ZC2HC1B: variants seen among roughly 807,000 people sequenced by gnomAD.
ZC2HC1B encodes zinc finger C2HC domain-containing protein 1B.
In ZC2HC1B, 36 loss-of-function variants were observed where a neutral mutation model predicts 31.0. The ratio of observed to expected loss-of-function variants is 1.16; its 90% CI spans 0.89 to 1.54. The LOEUF is 1.54. ZC2HC1B is among the 40% of genes most tolerant of loss of function. ZC2HC1B has a pLI of 0.00. For missense variants in ZC2HC1B, 260 were observed against 268.6 expected, an observed-to-expected ratio of 0.97 and a Z score of 0.22; for synonymous variants, 73 against 88.0, an observed-to-expected ratio of 0.83 and a Z score of 0.95.
Position 143,886,727 on chromosome 6 carries a change from C to A in ZC2HC1B, c.255C>A (p.Asp85Glu). 6.5e-7 allele frequency: 1 copy of A among 1,547,524 alleles called. No individual in the cohort carries two copies. The highest frequency in any genetic ancestry group is 8.7e-7 in the Non-Finnish European group (1 of 1,145,086). The part of the protein sequence containing the change: ...RKSNWRQQHE[D>E]FINAIRSAKQ... The stretch of plus-strand genomic sequence containing the variant: ...CTAACTGGAGACAACAACATGAAGA[C>A]TTTATTAATGCAATCCGATCAGCAA... The change falls in exon 4 of 8, where the codon GAC (aspartate) becomes GAA (glutamate). Residue 85 changes from aspartate (D) to glutamate (E), a missense_variant. Coordinates refer to ENST00000237275, the MANE Select transcript of ZC2HC1B (RefSeq NM_001013623.3). This position sits in a 1 kb window ranked among gnomAD's most constrained non-coding sequence, Gnocchi z 4.2.
intron 1 of ZC2HC1B, among the ~76,000 whole-genome samples, chr6:143,866,491 C>T (rs11155329): frequency 0.2 from 30,306 of 152,154 alleles, 3,209 homozygotes; most frequent in East Asian, 0.43. Context: ...GCTTTCTCAC[C>T]ATCATGGAAA....
rs1044477930 is a variant in ZC2HC1B, at chr6:143,868,518, T to C, written c.28+3951T>C. 6.6e-6 allele frequency among the ~76,000 whole-genome samples: 1 copy of C among 152,120 alleles called. No individual in the cohort carries two copies. The highest frequency in any genetic ancestry group is 2.4e-5 in the African/African-American group (1 of 41,412). Reference sequence around the variant, plus strand: ...CGATCTGCGCTGGCAGGTGACTAGGTGGTGCCCACCCAGATTAAGGATGAG... The same window carrying C: ...CGATCTGCGCTGGCAGGTGACTAGGCGGTGCCCACCCAGATTAAGGATGAG... On this transcript the variant is annotated intron_variant, in intron 1 of 7. Transcript: ENST00000237275. The surrounding 1 kb of genome is among the most constrained non-coding windows in gnomAD (Gnocchi z 4.2).
At position 143,870,835 on chromosome 6, in the gene ZC2HC1B, A is replaced by G. The variant is rs919313548; in HGVS notation, c.28+6268A>G. On this transcript the variant is annotated intron_variant, in intron 1 of 7. Transcript: ENST00000237275. The surrounding 1 kb of genome is among the most constrained non-coding windows in gnomAD (Gnocchi z 4.7). ...ATCTGCCACTGACACCTCAAGTACC[A>G]TTGGATCTGCTGGGTCATATGGCCC... Among the ~76,000 whole-genome samples the G allele has an allele frequency of 6.6e-6, 1 of 152,128 alleles. No individual in the cohort carries two copies. Among genetic ancestry groups the G allele is most frequent in the Middle Eastern group, 3.2e-3 (1 of 316 alleles).
At position 143,864,667 on chromosome 6, in the gene ZC2HC1B, A is replaced by C. The variant is rs1239880243; in HGVS notation, c.28+100A>C. 3.9e-6 allele frequency: 5 copies of C among 1,278,116 alleles called. No homozygotes were observed. The African/African-American group carries it at 4.4e-5, about 11-fold the overall frequency. The allele number at this position is 1,278,116 out of a possible 1,614,324, so 79.2% of individuals were successfully genotyped here. A position where few individuals can be genotyped will look rare whatever the true frequency, so the allele number is the denominator to read the frequency against. On this transcript the variant is annotated intron_variant, in intron 1 of 7. Coordinates refer to ENST00000237275, the MANE Select transcript of ZC2HC1B (RefSeq NM_001013623.3). Reference sequence around the variant, plus strand: ...CTGGTAGGTATTAGCTTGTTCTACCATGTGTGATCCGTTTAAATCTAAGTA... The same window carrying C: ...CTGGTAGGTATTAGCTTGTTCTACCCTGTGTGATCCGTTTAAATCTAAGTA...
In ZC2HC1B at chr6:143,887,365, T is replaced by C. The variant is rs899803936; in HGVS notation, c.349+544T>C. Among the ~76,000 whole-genome samples the C allele has an allele frequency of 6.6e-6, 1 of 152,220 alleles. No individual in the cohort carries two copies. The highest frequency in any genetic ancestry group is 1.9e-4 in the East Asian group (1 of 5,206). On this transcript the variant is annotated intron_variant, in intron 4 of 7. Coordinates refer to ENST00000237275, the MANE Select transcript of ZC2HC1B (RefSeq NM_001013623.3). This position sits in a 1 kb window ranked among gnomAD's most constrained non-coding sequence, Gnocchi z 5.1. ...GCCATAATTTCTCCTTTATCTTTTT[T>C]TCTTTGGCAGAACCATTTAAAAGTA...
intron 5 of ZC2HC1B, among the ~76,000 whole-genome samples, chr6:143,901,505 C>T (rs1226792483): frequency 6.6e-6 from 1 of 151,338 alleles, no homozygotes; most frequent in Non-Finnish European, 1.5e-5. Context: ...GGTGATCTGC[C>T]TGCCTTGGTC....
chr6:143,935,171 G>A (rs1489020275), intron 6 of ZC2HC1B, among the ~76,000 whole-genome samples: 4 of 151,796 alleles, frequency 2.6e-5, no homozygotes, highest in African/African-American at 7.3e-5. Flanking sequence ...CATGGATGAT[G>A]TATGCAGGTA....
rs1230303833 is a variant in ZC2HC1B, at chr6:143,923,589, T to C, written c.599-14060T>C. Among the ~76,000 whole-genome samples the C allele has an allele frequency of 1.3e-5, 2 of 152,120 alleles. No homozygotes were observed. The highest frequency in any genetic ancestry group is 1.9e-4 in the East Asian group (1 of 5,204). ...AGTAGTTTCATAGTTTTGGGTCTTA[T>C]GTTTAAGTCTTTCATCAATTTTGGG... is the stretch of plus-strand genomic sequence containing the variant. On this transcript the variant is annotated intron_variant, in intron 6 of 7. Transcript: ENST00000237275. The surrounding 1 kb of genome is among the most constrained non-coding windows in gnomAD (Gnocchi z 4.8).
intron 6 of ZC2HC1B, among the ~76,000 whole-genome samples, chr6:143,925,271 GT>G (rs1049929594): frequency 2.0e-5 from 3 of 148,190 alleles, no homozygotes; most frequent in African/African-American, 7.5e-5. Context: ...CGCCTCCCGG[GT>G]TCACGCCATT....
intron 6 of ZC2HC1B, among the ~76,000 whole-genome samples, chr6:143,931,114 G>A (rs1381868523): frequency 6.6e-6 from 1 of 152,102 alleles, no homozygotes; most frequent in African/African-American, 2.4e-5. Flanking sequence ...TTTGATATGA[G>A]AATAGCTACT....
At chr6:143,930,139 G>A (rs192064330) in intron 6 of ZC2HC1B, among the ~76,000 whole-genome samples, 4 of 151,530 alleles carry the variant, frequency 2.6e-5, no homozygotes, top group Admixed American at 2.6e-4. Flanking sequence ...CTAGCTTTGG[G>A]TTTGGTTTGT....
In ZC2HC1B at chr6:143,879,824, A is replaced by ATTTTTTT. The variant is rs557859315; in HGVS notation, c.29-4461_29-4455dup. ...TTTTTTCCTGCTCAAGTTGTCCCTG[A>ATTTTTTT]TTTTTTTTTTTTTTTTTTTTTTTTT... On this transcript the variant is annotated intron_variant, in intron 1 of 7. Transcript: ENST00000237275. 1.7e-3 allele frequency among the ~76,000 whole-genome samples: 92 copies of ATTTTTTT among 53,688 alleles called. 2 individuals are homozygous for ATTTTTTT. Among genetic ancestry groups the ATTTTTTT allele is most frequent in the Non-Finnish European group, 2.3e-3 (71 of 30,474 alleles). 35.2% of individuals were successfully genotyped at this position (53,688 alleles called of 152,430 possible).
chr6:143,911,725 A>G lies in ZC2HC1B; in HGVS notation c.598+8573A>G, dbSNP rs1032056307. Reference sequence around the variant, plus strand: ...ATTTTTTCTTTCATTTCAATCTTGAAGAATCTGATTATTATGTGTCTTGGG... The same window carrying G: ...ATTTTTTCTTTCATTTCAATCTTGAGGAATCTGATTATTATGTGTCTTGGG... On this transcript the variant is annotated intron_variant, in intron 6 of 7. Coordinates refer to ENST00000237275, the MANE Select transcript of ZC2HC1B (RefSeq NM_001013623.3). This position sits in a 1 kb window ranked among gnomAD's most constrained non-coding sequence, Gnocchi z 4.5. 3.9e-5 allele frequency among the ~76,000 whole-genome samples: 6 copies of G among 152,060 alleles called. No individual in the cohort carries two copies. Among genetic ancestry groups the G allele is most frequent in the Non-Finnish European group, 8.8e-5 (6 of 68,014 alleles).
At chr6:143,912,750 G>A (rs1777875194) in intron 6 of ZC2HC1B, among the ~76,000 whole-genome samples, 1 of 152,342 alleles carries the variant, frequency 6.6e-6, no homozygotes, top group African/African-American at 2.4e-5. Flanking sequence ...GAAGCAGTCT[G>A]GATGCTTTTG....
chr6:143,937,914 T>G (rs1251175094), intron 7 of ZC2HC1B, among the ~76,000 whole-genome samples, 181 bp downstream of exon 7: 1 of 152,224 alleles, frequency 6.6e-6, no homozygotes, highest in African/African-American at 2.4e-5. Context: ...GGATATTCAG[T>G]TTTTGATTCA....
At chr6:143,900,469 G>C (rs1777724096) in intron 5 of ZC2HC1B, among the ~76,000 whole-genome samples, 1 of 151,866 alleles carries the variant, frequency 6.6e-6, no homozygotes, top group East Asian at 1.9e-4. Flanking sequence ...GCCAGAACTA[G>C]AAGGGCTTTA....
intron 1 of ZC2HC1B, among the ~76,000 whole-genome samples, chr6:143,873,913 C>T (rs962534391): frequency 3.3e-5 from 5 of 152,228 alleles, no homozygotes; most frequent in Non-Finnish European, 7.3e-5. Context: ...ACATTAGACT[C>T]CTTGCTACTT....
chr6:143,912,156 C>A (rs959425064), intron 6 of ZC2HC1B, among the ~76,000 whole-genome samples: 1 of 152,132 alleles, frequency 6.6e-6, no homozygotes, highest in African/African-American at 2.4e-5. Context: ...TTTGGGCTCT[C>A]GGCTCCTGTA....
chr6:143,870,200 G>A lies in ZC2HC1B; in HGVS notation c.28+5633G>A, dbSNP rs1305899570. Among the ~76,000 whole-genome samples the A allele has an allele frequency of 2.0e-5, 3 of 152,200 alleles. No individual in the cohort carries two copies. Among genetic ancestry groups the A allele is most frequent in the Non-Finnish European group, 4.4e-5 (3 of 68,034 alleles). ...CCTTTCATGCAAAGTGCACAAGCAA[G>A]TGCACTGTTCAAAGTTCTGCCCACT... On this transcript the variant is annotated intron_variant, in intron 1 of 7. Transcript: ENST00000237275. The surrounding 1 kb of genome is among the most constrained non-coding windows in gnomAD (Gnocchi z 4.7).
Sources: allele counts gnomAD v4.1 joint callset (sites outside exome capture counted in the v4.1 genomes callset), GRCh38; gene constraint gnomAD v4.1.1; non-coding constraint Gnocchi (gnomAD v3.1); transcripts MANE v1.5; gene names NCBI Gene and HGNC (gene_info 2026-07-23, HGNC 2026-07-21).